The following PRKG1 variants were observed in gnomAD, a reference collection of about 807,000 sequenced individuals.
PRKG1 encodes cGMP-dependent protein kinase 1.
A neutral mutation model predicts 88.1 loss-of-function variants in PRKG1; 35 were observed. The ratio of observed to expected loss-of-function variants is 0.40; its 90% CI spans 0.30 to 0.53. The LOEUF is 0.53. Among genes scored for constraint, PRKG1 ranks in the 20% least tolerant of loss-of-function variants. The pLI is 0.59. For missense variants in PRKG1, 540 were observed against 839.8 expected (o/e 0.64, Z 4.41); for synonymous variants, 303 against 292.5 (o/e 1.04, Z -0.37).
intron 2 of PRKG1, among the ~76,000 whole-genome samples, chr10:51,339,210 C>A (rs544352702): frequency 1.3e-5 from 2 of 152,190 alleles, no homozygotes; most frequent in Non-Finnish European, 2.9e-5. Flanking sequence ...TACTTAAAGG[C>A]TCAAGTTGTT....
intron 1 of PRKG1, among the ~76,000 whole-genome samples, chr10:51,118,939 T>A (rs1229289932): frequency 6.6e-6 from 1 of 152,154 alleles, no homozygotes; most frequent in East Asian, 1.9e-4. Context: ...TCTTAGTAAC[T>A]GATATGTTAC....
chr10:51,737,740 A>ATTAATTATT lies in PRKG1; in HGVS notation c.593-66845_593-66844insTTAATTATT, dbSNP rs765792966. 3.4e-4 allele frequency among the ~76,000 whole-genome samples: 46 copies of ATTAATTATT among 133,414 alleles called. No homozygotes were observed. In the South Asian group the frequency reaches 4.1e-3, roughly 12 times the overall value. 87.5% of individuals were successfully genotyped at this position (133,414 alleles called of 152,430 possible). ...TTATTTATTTATTTATTTATTTATT[A>ATTAATTATT]ATTATTATTATTATTATTATTATTA... On this transcript the variant is annotated intron_variant, in intron 3 of 17. Transcript: ENST00000373980.
chr10:51,655,792 A>G (rs1840146605), intron 3 of PRKG1, among the ~76,000 whole-genome samples: 1 of 152,166 alleles, frequency 6.6e-6, no homozygotes, highest in South Asian at 2.1e-4. Flanking sequence ...GACACCAGTA[A>G]CCTAACTACT....
At chr10:51,015,896 GA>G (rs1054508926) in intron 1 of PRKG1, among the ~76,000 whole-genome samples, 1 of 151,308 alleles carries the variant, frequency 6.6e-6, no homozygotes, top group African/African-American at 2.4e-5. Flanking sequence ...TCGAAAAAAA[GA>G]AAAAAAAGAG....
In PRKG1 at chr10:50,991,358, G is replaced by A. The variant is rs1156490752; in HGVS notation, c.-21G>A. The A allele has an allele frequency of 1.1e-5, 16 of 1,500,546 alleles. No homozygotes were observed. The highest frequency in any genetic ancestry group is 4.4e-5 in the African/African-American group (3 of 67,956). 93.0% of individuals were successfully genotyped at this position (1,500,546 alleles called of 1,614,324 possible). The stretch of plus-strand genomic sequence containing the variant: ...CCGCCGCCGCCCGAGAAAAAGTTTC[G>A]CGGAGGGGCTCAGTGAAAAAATGAG... On this transcript the variant is annotated 5_prime_UTR_variant, in exon 1 of 18. Transcript: ENST00000401604. The surrounding 1 kb of genome is among the most constrained non-coding windows in gnomAD (Gnocchi z 4.5).
At chr10:52,075,286 T>C (rs1189843887) in intron 7 of PRKG1, among the ~76,000 whole-genome samples, 1 of 152,208 alleles carries the variant, frequency 6.6e-6, no homozygotes, top group Non-Finnish European at 1.5e-5. Context: ...AGATATTACG[T>C]TCATACGTTG....
intron 3 of PRKG1, among the ~76,000 whole-genome samples, chr10:51,692,702 C>T (rs1169560706): frequency 6.6e-6 from 1 of 152,104 alleles, no homozygotes; most frequent in Admixed American, 6.5e-5. Flanking sequence ...TCTTAAAGTC[C>T]TGAACTCAAG....
intron 3 of PRKG1, among the ~76,000 whole-genome samples, chr10:51,520,389 A>G (rs1361644072): frequency 2.7e-5 from 4 of 150,682 alleles, no homozygotes; most frequent in African/African-American, 9.7e-5. Flanking sequence ...GTAAAATAGA[A>G]TGAAGACTCT....
At chr10:51,814,164 T>C (rs1359301356) in intron 4 of PRKG1, among the ~76,000 whole-genome samples, 1 of 152,180 alleles carries the variant, frequency 6.6e-6, no homozygotes, top group Non-Finnish European at 1.5e-5. Context: ...TGTTCTTGCT[T>C]AGGCTATGCT....
At position 51,791,250 on chromosome 10, in the gene PRKG1, T is replaced by C. The variant is rs1156653990; in HGVS notation, c.593-13335T>C. Among the ~76,000 whole-genome samples the C allele has an allele frequency of 2.0e-5, 3 of 152,126 alleles. No individual in the cohort carries two copies. In the East Asian group the frequency reaches 5.8e-4, roughly 29 times the overall value. On this transcript the variant is annotated intron_variant, in intron 3 of 17. Transcript: ENST00000373980. Reference sequence around the variant, plus strand: ...GTTAGCCTGTAGCAACTAGGAGCTATTTGAGAGCAAGGTCTGTATCTTGTT... The same window carrying C: ...GTTAGCCTGTAGCAACTAGGAGCTACTTGAGAGCAAGGTCTGTATCTTGTT...
chr10:51,908,598 A>G (rs1484792623), intron 5 of PRKG1: 2 of 151,984 alleles, frequency 1.3e-5, no homozygotes, highest in Non-Finnish European at 2.9e-5. Context: ...TGTGTTGAAA[A>G]AATAAATAAA....
intron 3 of PRKG1, among the ~76,000 whole-genome samples, chr10:51,563,708 C>T (rs907745288): frequency 6.6e-6 from 1 of 152,122 alleles, no homozygotes; most frequent in African/African-American, 2.4e-5. Context: ...TTTCACAAAA[C>T]ATTTTTATTT....
chr10:52,178,111 G>T lies in PRKG1; in HGVS notation c.1076+16148G>T, dbSNP rs192194272. Among the ~76,000 whole-genome samples, 661 of 151,620 alleles carry T rather than the reference G, an allele frequency of 4.4e-3. 4 individuals carry two copies. The highest frequency in any genetic ancestry group is 0.015 in the African/African-American group (625 of 41,412). On this transcript the variant is annotated intron_variant, in intron 9 of 17. Coordinates refer to ENST00000373980, the MANE Select transcript of PRKG1 (RefSeq NM_006258.4). The stretch of plus-strand genomic sequence containing the variant: ...ACATTGTTTATTTGAAATATTTCTA[G>T]TTTTTTTGATATAGGCATTTCTTGC...
At chr10:51,275,336 C>T (rs3844131) in intron 2 of PRKG1, among the ~76,000 whole-genome samples, 20,619 of 152,136 alleles carry the variant, frequency 0.14, 1,516 homozygotes, top group East Asian at 0.19. Context: ...CACTAATATA[C>T]TGGTAAATCA....
chr10:52,193,930 A>G (rs561140627), intron 9 of PRKG1, among the ~76,000 whole-genome samples: 1 of 152,278 alleles, frequency 6.6e-6, no homozygotes, highest in South Asian at 2.1e-4. Flanking sequence ...ATTTCTCTAA[A>G]TCCCTTTATG....
At chr10:51,841,160 T>A (rs1415169844) in intron 4 of PRKG1, among the ~76,000 whole-genome samples, 2 of 152,218 alleles carry the variant, frequency 1.3e-5, no homozygotes, top group Non-Finnish European at 2.9e-5. Context: ...TGTAACTTTA[T>A]CTCCAGTAAG....
intron 3 of PRKG1, among the ~76,000 whole-genome samples, chr10:51,723,742 C>T (rs1480534722): frequency 1.3e-5 from 2 of 152,184 alleles, no homozygotes; most frequent in African/African-American, 2.4e-5. Context: ...CTGAAAATCA[C>T]ACTCCAGAAG....
intron 4 of PRKG1, among the ~76,000 whole-genome samples, chr10:51,815,422 C>T (rs1004530485): frequency 2.0e-5 from 3 of 152,136 alleles, no homozygotes; most frequent in Non-Finnish European, 2.9e-5. Flanking sequence ...GAAGGGTGGT[C>T]TTCTGGGATC....
chr10:51,690,183 T>C lies in PRKG1; in HGVS notation c.593-114402T>C, dbSNP rs1304287201. 2.7e-5 allele frequency among the ~76,000 whole-genome samples: 4 copies of C among 149,554 alleles called. No individual in the cohort carries two copies. The East Asian group carries it at 7.8e-4, about 29-fold the overall frequency. ...TTAAATTACCAGATTACATGAGAAC[T>C]CACTCACTAATAAGAGGACAGTACC... On this transcript the variant is annotated intron_variant, in intron 3 of 17. Transcript: ENST00000373980.
Sources: allele counts gnomAD v4.1 joint callset (sites outside exome capture counted in the v4.1 genomes callset), GRCh38; gene constraint gnomAD v4.1.1; non-coding constraint Gnocchi (gnomAD v3.1); transcripts MANE v1.5; gene names NCBI Gene and HGNC (gene_info 2026-07-23, HGNC 2026-07-21).